The following SH3RF3 variants were observed in gnomAD, a reference collection of about 807,000 sequenced individuals.
The protein encoded by SH3RF3 is SH3 domain containing ring finger 3.
In SH3RF3, 29 loss-of-function variants were observed where a neutral mutation model predicts 66.3. The ratio of observed to expected loss-of-function variants is 0.44; its 90% CI spans 0.33 to 0.60. The LOEUF (loss-of-function observed/expected upper bound fraction) is 0.60. SH3RF3 is among the 20% of genes least tolerant of loss of function. The pLI is 0.04. For synonymous variants in SH3RF3, 583 were observed against 532.0 expected (o/e 1.10, Z -1.32); for missense variants, 1,194 against 1,190.9 (o/e 1.00, Z -0.04).
chr2:109,462,278 T>C (rs1678227091), intron 8 of SH3RF3, among the ~76,000 whole-genome samples: 1 of 151,634 alleles, frequency 6.6e-6, no homozygotes, highest in South Asian at 2.1e-4. Flanking sequence ...CTGAGTTTCA[T>C]TGCTGGCCTT....
At chr2:109,417,986 G>T (rs922562641) in intron 4 of SH3RF3, among the ~76,000 whole-genome samples, 2 of 152,086 alleles carry the variant, frequency 1.3e-5, no homozygotes, top group Non-Finnish European at 2.9e-5. Context: ...CCTACCTGGG[G>T]CAACTTCCAG....
chr2:109,346,701 G>T (rs1036253812), intron 1 of SH3RF3, among the ~76,000 whole-genome samples: 4 of 152,072 alleles, frequency 2.6e-5, no homozygotes, highest in African/African-American at 7.2e-5. Context: ...TCTTTGACAG[G>T]CTCCTTATTG....
At chr2:109,216,230 C>T (rs1679098633) in intron 1 of SH3RF3, among the ~76,000 whole-genome samples, 1 of 152,198 alleles carries the variant, frequency 6.6e-6, no homozygotes, top group African/African-American at 2.4e-5. Context: ...GCCTCCCTGC[C>T]TGCTTCCAGG....
intron 2 of SH3RF3, among the ~76,000 whole-genome samples, chr2:109,350,625 C>T (rs1008023106): frequency 6.6e-6 from 1 of 152,242 alleles, no homozygotes; most frequent in Admixed American, 6.5e-5. Context: ...GAGACATGGG[C>T]AACTCCATGT....
At chr2:109,261,317 C>T (rs944176425) in intron 1 of SH3RF3, among the ~76,000 whole-genome samples, 2 of 152,124 alleles carry the variant, frequency 1.3e-5, no homozygotes, top group African/African-American at 2.4e-5. Context: ...AGCCTTGATC[C>T]GCACACTGTG....
At chr2:109,428,543 C>T (rs183355485) in intron 5 of SH3RF3, among the ~76,000 whole-genome samples, 37 of 152,348 alleles carry the variant, frequency 2.4e-4, no homozygotes, top group African/African-American at 7.0e-4. Context: ...GCACACCTGC[C>T]GCGGCCACTT....
In SH3RF3 at chr2:109,342,762, G is replaced by A. The variant is rs969217302; in HGVS notation, c.574-4912G>A. 8.5e-5 allele frequency among the ~76,000 whole-genome samples: 13 copies of A among 152,300 alleles called. 2 individuals carry two copies. Among genetic ancestry groups the A allele is most frequent in the Admixed American group, 6.5e-4 (10 of 15,304 alleles). ...TCCAGTAGAAGCCGGAGATGGCGCCGTTGTGCCCACGTGAGCGCCATCTCC... is the reference window on the plus strand; with the variant it reads ...TCCAGTAGAAGCCGGAGATGGCGCCATTGTGCCCACGTGAGCGCCATCTCC... On this transcript the variant is annotated intron_variant, in intron 1 of 9. Coordinates refer to ENST00000309415, the MANE Select transcript of SH3RF3 (RefSeq NM_001099289.3).
At chr2:109,279,022 G>C (rs373168777) in intron 1 of SH3RF3, among the ~76,000 whole-genome samples, 1 of 152,166 alleles carries the variant, frequency 6.6e-6, no homozygotes, top group African/African-American at 2.4e-5. Context: ...ACTTGATTTT[G>C]AAGTTATCTT....
Position 109,415,876 on chromosome 2 carries a change from G to T in SH3RF3, c.1300-3663G>T, listed in dbSNP as rs117406635. On this transcript the variant is annotated intron_variant, in intron 4 of 9. Transcript: ENST00000309415. ...AATCCCCCAGGCGCAGCACTGAGAG[G>T]TGGGGCCTTTAAAAGGCAATTAGGT... 9.5e-3 allele frequency among the ~76,000 whole-genome samples: 1,448 copies of T among 152,278 alleles called. 20 individuals are homozygous for T. Among genetic ancestry groups the T allele is most frequent in the East Asian group, 0.05 (258 of 5,174 alleles).
chr2:109,352,557 C>G (rs1223252885), intron 2 of SH3RF3, among the ~76,000 whole-genome samples: 2 of 152,256 alleles, frequency 1.3e-5, no homozygotes, highest in South Asian at 4.1e-4. Context: ...GAAACTTTAG[C>G]TTTACCTCTT....
At chr2:109,269,453 T>A (rs564640396) in intron 1 of SH3RF3, among the ~76,000 whole-genome samples, 4 of 152,236 alleles carry the variant, frequency 2.6e-5, no homozygotes, top group Admixed American at 2.6e-4. Context: ...CAGCCCCCCT[T>A]TCTTCTGACT....
chr2:109,428,668 T>A (rs2104555084), intron 5 of SH3RF3, among the ~76,000 whole-genome samples: 1 of 152,340 alleles, frequency 6.6e-6, no homozygotes, highest in South Asian at 2.1e-4. Context: ...GGCTCTCTGA[T>A]CCTAAAATCC....
rs1676641758 is a variant in SH3RF3, at chr2:109,129,812, A to T, written c.272A>T (p.Glu91Val). The T allele has an allele frequency of 6.5e-7, 1 of 1,537,968 alleles. No homozygotes were observed. Among genetic ancestry groups the T allele is most frequent in the Non-Finnish European group, 8.7e-7 (1 of 1,145,404 alleles). The change falls in exon 1 of 10, where the codon GAG becomes GTG. Residue 91 changes from glutamate to valine, a missense_variant. Physicochemically the swap from Glu to Val is moderately radical, Grantham distance 121 (BLOSUM62 -2). Coordinates refer to ENST00000309415, the MANE Select transcript of SH3RF3 (RefSeq NM_001099289.3). ...CLESIVCSRH[E>V]LRCPECRILV... The stretch of plus-strand genomic sequence containing the variant: ...GAGAGCATCGTGTGCTCGCGCCACG[A>T]GCTGCGCTGCCCCGAGTGCCGCATC...
In SH3RF3 at chr2:109,371,698, C is replaced by G. The variant is rs569878562; in HGVS notation, c.945+17C>G. ...TACGTGGAGGTAAGACCGTGCCGCCCTCCCACACTTGGCTCCTTCTTGCCC... is the reference window on the plus strand; with the variant it reads ...TACGTGGAGGTAAGACCGTGCCGCCGTCCCACACTTGGCTCCTTCTTGCCC... On this transcript the variant is annotated intron_variant, in intron 3 of 9. Coordinates refer to ENST00000309415, the MANE Select transcript of SH3RF3 (RefSeq NM_001099289.3). 1 of 1,609,434 alleles carries G rather than the reference C, an allele frequency of 6.2e-7. No individual in the cohort carries two copies. Among genetic ancestry groups the G allele is most frequent in the Non-Finnish European group, 8.5e-7 (1 of 1,177,348 alleles).
chr2:109,373,109 T>C (rs1390604924), intron 3 of SH3RF3, among the ~76,000 whole-genome samples: 2 of 152,178 alleles, frequency 1.3e-5, no homozygotes, highest in Non-Finnish European at 2.9e-5. Context: ...CCCACAGCAA[T>C]GGCAGATAAT....
chr2:109,393,177 C>G (rs1252387894), intron 3 of SH3RF3, among the ~76,000 whole-genome samples: 1 of 152,222 alleles, frequency 6.6e-6, no homozygotes, highest in Non-Finnish European at 1.5e-5. Flanking sequence ...AGCAACCAGC[C>G]TTGGTGGCCT....
chr2:109,210,261 C>T lies in SH3RF3; in HGVS notation c.573+80148C>T, dbSNP rs570750229. Among the ~76,000 whole-genome samples the T allele has an allele frequency of 1.2e-3, 186 of 152,314 alleles. 1 individual carries two copies. The highest frequency in any genetic ancestry group is 4.1e-3 in the African/African-American group (170 of 41,564). On this transcript the variant is annotated intron_variant, in intron 1 of 9. Coordinates refer to ENST00000309415, the MANE Select transcript of SH3RF3 (RefSeq NM_001099289.3). ...GGCTGTTGGGAATAATGTCACTATG[C>T]GTGTAGGTGTACAAACATCTGTTTG...
At chr2:109,170,251 T>TCTCTTCTCTTCTC (rs1677734786) in intron 1 of SH3RF3, among the ~76,000 whole-genome samples, 3 of 15,200 alleles carry the variant, frequency 2.0e-4, no homozygotes, top group Admixed American at 5.2e-4. Flanking sequence ...TCTTTTCTCT[T>TCTCTTCTCTTCTC]CTCTTCTCTT....
chr2:109,449,278 CG>C lies in SH3RF3; in HGVS notation c.1939del (p.Val647TrpfsTer63). On this transcript the variant is annotated frameshift_variant, in exon 8 of 10. Transcript: ENST00000309415. LOFTEE classifies it high-confidence loss of function. ...CCTGCCACCAGCCTCAGGCCCCACT[CG>C]GTGGTGTCCCCGCAGCACAGCCACC... ...RLPATSLRPH[S>X]VVSPQHSHQP... 6.2e-7 allele frequency: 1 copy of C among 1,610,556 alleles called. No homozygotes were observed. The highest frequency in any genetic ancestry group is 2.2e-5 in the East Asian group (1 of 44,778).
Sources: allele counts gnomAD v4.1 joint callset (sites outside exome capture counted in the v4.1 genomes callset), GRCh38; gene constraint gnomAD v4.1.1; transcripts MANE v1.5; gene names NCBI Gene and HGNC (gene_info 2026-07-23, HGNC 2026-07-21).